YBX1: variants seen among roughly 807,000 people sequenced by gnomAD.
YBX1 encodes Y-box-binding protein 1.
In YBX1, 3 loss-of-function variants were observed where a neutral mutation model predicts 41.4. The observed-to-expected ratio is 0.07, with a 90% CI of 0.03 to 0.19. The LOEUF (loss-of-function observed/expected upper bound fraction) is 0.19, where lower values mean the gene tolerates loss of function less well. Among genes scored for constraint, YBX1 ranks in the 10% least tolerant of loss-of-function variants. YBX1 has a pLI of 1.00. For synonymous variants in YBX1, 133 were observed against 165.8 expected (o/e 0.80, Z 1.52); for missense variants, 274 against 462.8 (o/e 0.59, Z 3.74).
At chr1:42,693,987 A>G (rs1281200449) in intron 3 of YBX1, among the ~76,000 whole-genome samples, 1 of 152,194 alleles carries the variant, frequency 6.6e-6, no homozygotes, top group Non-Finnish European at 1.5e-5. Flanking sequence ...AAAGTAGCAT[A>G]AAGAGCCTTC....
At chr1:42,694,770 A>T (rs560883296) in intron 3 of YBX1, among the ~76,000 whole-genome samples, 1 of 152,200 alleles carries the variant, frequency 6.6e-6, no homozygotes, top group South Asian at 2.1e-4. Context: ...TTTAAAGTAG[A>T]TGTTTTATAA....
intron 2 of YBX1, among the ~76,000 whole-genome samples, chr1:42,688,182 G>T (rs187452596): frequency 8.5e-5 from 13 of 152,260 alleles, no homozygotes; most frequent in Admixed American, 2.6e-4. Context: ...CTAGTATCCA[G>T]TTTGACTCGT....
In YBX1 at chr1:42,701,035, A is replaced by G. The variant is rs772622455; in HGVS notation, c.*20A>G. 1 of 1,612,588 alleles carries G rather than the reference A, an allele frequency of 6.2e-7. No individual in the cohort carries two copies. On this transcript the variant is annotated 3_prime_UTR_variant, in exon 7 of 8. Transcript: ENST00000321358. Reference sequence around the variant, plus strand: ...GAGTAAATGCCGGCTTACCATCTCTACCATCATCCGGGTAAGCAAGCTTGG... The same window carrying G: ...GAGTAAATGCCGGCTTACCATCTCTGCCATCATCCGGGTAAGCAAGCTTGG...
chr1:42,702,676 C>G lies in YBX1; in HGVS notation c.*727C>G, dbSNP rs1040500506. On this transcript the variant is annotated 3_prime_UTR_variant, in exon 8 of 8. Coordinates refer to ENST00000321358, the MANE Select transcript of YBX1 (RefSeq NM_004559.5). ...TGCTCTAGCCTAGACCGACCAGACT[C>G]TCATCCTGCTCCACTTAGTTTTGTC... is the stretch of plus-strand genomic sequence containing the variant. 6.6e-6 allele frequency among the ~76,000 whole-genome samples: 1 copy of G among 152,178 alleles called. No individual in the cohort carries two copies. Among genetic ancestry groups the G allele is most frequent in the East Asian group, 1.9e-4 (1 of 5,194 alleles).
chr1:42,693,691 TAG>T (rs1056535947), intron 3 of YBX1, among the ~76,000 whole-genome samples, 168 bp downstream of exon 3: 2 of 152,356 alleles, frequency 1.3e-5, no homozygotes, highest in African/African-American at 4.8e-5. Context: ...GGAAATGTGT[TAG>T]AGTTGACTTA....
Position 42,683,385 on chromosome 1 carries a change from C to G in YBX1, c.167-18C>G, listed in dbSNP as rs757524467. The G allele has an allele frequency of 6.2e-7, 1 of 1,614,192 alleles. No homozygotes were observed. The highest frequency in any genetic ancestry group is 8.5e-7 in the Non-Finnish European group (1 of 1,180,012). ...TAGCTGGTAATCGTGGCTTGTTTTG[C>G]TTTGTTTTCTTTTCCAGCAACGAAG... On this transcript the variant is annotated intron_variant, in intron 1 of 7. Coordinates refer to ENST00000321358, the MANE Select transcript of YBX1 (RefSeq NM_004559.5).
intron 6 of YBX1, among the ~76,000 whole-genome samples, chr1:42,699,597 G>A (rs533242926): frequency 6.7e-6 from 1 of 149,394 alleles, no homozygotes; most frequent in Non-Finnish European, 1.5e-5. Flanking sequence ...AAAGAGGGGA[G>A]AAAAGGGGAA....
At chr1:42,700,352 A>T (rs938696300) in intron 6 of YBX1, among the ~76,000 whole-genome samples, 1 of 152,128 alleles carries the variant, frequency 6.6e-6, no homozygotes, top group South Asian at 2.1e-4. Context: ...CTGTAATCCC[A>T]GCACTCTTTG....
chr1:42,690,459 G>A (rs1469442496), intron 2 of YBX1, among the ~76,000 whole-genome samples: 12 of 151,986 alleles, frequency 7.9e-5, no homozygotes, highest in Admixed American at 7.9e-4. Context: ...TCTATTTTGG[G>A]GGTCCTATAT....
At chr1:42,699,834 A>C (rs1021406659) in intron 6 of YBX1, among the ~76,000 whole-genome samples, 14 of 152,188 alleles carry the variant, frequency 9.2e-5, no homozygotes, top group African/African-American at 3.4e-4. Flanking sequence ...CCTAAGAAAA[A>C]TAGGAAGGTA....
chr1:42,687,262 G>A (rs371922788), intron 2 of YBX1, among the ~76,000 whole-genome samples: 3 of 152,164 alleles, frequency 2.0e-5, no homozygotes, highest in Admixed American at 6.5e-5. Flanking sequence ...GGCCTGCAAG[G>A]TAAGACTGAA....
rs955734597 is a variant in YBX1 at position 42,696,154 on chromosome 1, A to G, written c.265-45A>G. 14 of 1,504,790 alleles carry G rather than the reference A, an allele frequency of 9.3e-6. No homozygotes were observed. The highest frequency in any genetic ancestry group is 1.4e-5 in the African/African-American group (1 of 71,936). 93.2% of individuals were successfully genotyped at this position (1,504,790 alleles called of 1,614,324 possible). ...TGGTACATTTTAAATGAAAAAGCAC[A>G]TTATTCTCCCCTGTTAATCTATTTT... On this transcript the variant is annotated intron_variant, in intron 3 of 7. Transcript: ENST00000321358. The surrounding 1 kb of genome is among the most constrained non-coding windows in gnomAD (Gnocchi z 5.7).
chr1:42,693,706 T>C (rs1650395291), intron 3 of YBX1, among the ~76,000 whole-genome samples, 183 bp downstream of exon 3: 1 of 152,234 alleles, frequency 6.6e-6, no homozygotes, highest in South Asian at 2.1e-4. Flanking sequence ...TTGACTTAAT[T>C]ATCCTAGACA....
chr1:42,700,985 T>C lies in YBX1; in HGVS notation c.945T>C (p.Ala315=). The part of the protein sequence containing the change: ...AADPPAENSS[A]PEAEQGGAE ...ATCCACCAGCTGAGAATTCGTCCGC[T>C]CCCGAGGCTGAGCAGGGCGGGGCTG... Residue 315 remains alanine, a synonymous_variant, in exon 7 of 8, where the codon GCT becomes GCC. Transcript: ENST00000321358. 1 of 1,614,090 alleles carries C rather than the reference T, an allele frequency of 6.2e-7. No individual in the cohort carries two copies. The highest frequency in any genetic ancestry group is 8.5e-7 in the Non-Finnish European group (1 of 1,180,020).
chr1:42,693,509 G>A lies in YBX1; in HGVS notation c.250G>A (p.Val84Ile), dbSNP rs774190365. ...TTGCAGGAATGACACCAAGGAAGAT[G>A]TATTTGTACACCAGGTGAGTGCTTG... ...FINRNDTKED[V>I]FVHQTAIKKN... Residue 84 changes from valine (V) to isoleucine (I), a missense_variant, in exon 3 of 8, where the codon GTA (valine) becomes ATA (isoleucine). This residue lies in a region of YBX1 where 84 missense variants were observed against 130.8 expected (regional missense o/e 0.64). Coordinates refer to ENST00000321358, the MANE Select transcript of YBX1 (RefSeq NM_004559.5). 2 of 1,613,712 alleles carry A rather than the reference G, an allele frequency of 1.2e-6. No homozygotes were observed. Among genetic ancestry groups the A allele is most frequent in the South Asian group, 1.1e-5 (1 of 91,032 alleles).
intron 6 of YBX1, among the ~76,000 whole-genome samples, chr1:42,698,258 A>G (rs1650508557): frequency 6.6e-6 from 1 of 152,224 alleles, no homozygotes; most frequent in Non-Finnish European, 1.5e-5. Context: ...TTATCAGCAC[A>G]TGTACATTGA....
chr1:42,701,572 G>C (rs899708733), intron 7 of YBX1, among the ~76,000 whole-genome samples: 15 of 151,508 alleles, frequency 9.9e-5, no homozygotes, highest in African/African-American at 3.4e-4. Context: ...AAAAAGACGA[G>C]AGTGTTTCGT....
At chr1:42,695,758 G>A (rs1418057174) in intron 3 of YBX1, among the ~76,000 whole-genome samples, 1 of 148,060 alleles carries the variant, frequency 6.8e-6, no homozygotes, top group African/African-American at 2.6e-5. Flanking sequence ...CGGTAACACA[G>A]GGGCAAAGTT....
In YBX1 at chr1:42,682,709, C is replaced by A. The variant is rs1055268853; in HGVS notation, c.144C>A (p.Ala48=). The change falls in exon 1 of 8, where the codon GCC becomes GCA. Residue 48 remains alanine (A), a synonymous_variant. Coordinates refer to ENST00000321358, the MANE Select transcript of YBX1 (RefSeq NM_004559.5). ...GPGGLTSAAP[A]GGDKKVIATK... ...GCGGCCTCACATCGGCGGCGCCTGC[C>A]GGCGGGGACAAGAAGGTCATCGGTG... 2 of 1,247,994 alleles carry A rather than the reference C, an allele frequency of 1.6e-6. No homozygotes were observed. Among genetic ancestry groups the A allele is most frequent in the African/African-American group, 3.1e-5 (2 of 63,682 alleles). 77.3% of individuals were successfully genotyped at this position (1,247,994 alleles called of 1,614,324 possible). A position where few individuals can be genotyped will look rare whatever the true frequency, so the allele number is the denominator to read the frequency against.
Sources: allele counts gnomAD v4.1 joint callset (sites outside exome capture counted in the v4.1 genomes callset), GRCh38; gene constraint gnomAD v4.1.1; regional missense constraint gnomAD v4.1.1; non-coding constraint Gnocchi (gnomAD v3.1); transcripts MANE v1.5; gene names NCBI Gene and HGNC (gene_info 2026-07-23, HGNC 2026-07-21).